POC1A: variants seen among roughly 807,000 people sequenced by gnomAD.
The protein encoded by POC1A is POC1 centriolar protein A.
POC1A carries 34 observed loss-of-function variants against 47.8 expected under a neutral mutation model. The ratio of observed to expected loss-of-function variants is 0.71; its 90% CI spans 0.54 to 0.95. The LOEUF (loss-of-function observed/expected upper bound fraction) is 0.95. Ranked by LOEUF, POC1A falls within the 40% of genes least tolerant of loss-of-function variation. The pLI is 0.00. For synonymous variants in POC1A, 177 were observed against 207.6 expected (o/e 0.85, Z 1.27); for missense variants, 466 against 528.3 (o/e 0.88, Z 1.16).
intron 2 of POC1A, 140 bp from the exon 3 acceptor site, chr3:52,150,127 T>C (rs1698510975): frequency 3.0e-6 from 2 of 674,222 alleles, no homozygotes; most frequent in African/African-American, 1.8e-5. Flanking sequence ...AAGTCTCCCA[T>C]GGAGCAGAGC....
At chr3:52,135,004 T>C (rs141392236) in intron 7 of POC1A, among the ~76,000 whole-genome samples, 13 of 152,264 alleles carry the variant, frequency 8.5e-5, no homozygotes, top group African/African-American at 3.1e-4. Flanking sequence ...ATGTGAAAGA[T>C]GAAGTCACCA....
At position 52,146,959 on chromosome 3, in the gene POC1A, C is replaced by A. The variant is rs900296864; in HGVS notation, c.563+29G>T. On this transcript the variant is annotated intron_variant, in intron 5 of 10. Coordinates refer to ENST00000296484, the MANE Select transcript of POC1A (RefSeq NM_015426.5). ...TCTGTGCTCTGTGCTTGAGCGCCTA[C>A]AGGTGGAGGACAGCATCTGGGGACT... The A allele has an allele frequency of 2.5e-6, 4 of 1,570,376 alleles. No individual in the cohort carries two copies. The African/African-American group carries it at 4.0e-5, about 16-fold the overall frequency.
intron 10 of POC1A, among the ~76,000 whole-genome samples, chr3:52,083,722 A>G (rs930338600): frequency 6.6e-6 from 1 of 152,216 alleles, no homozygotes; most frequent in Non-Finnish European, 1.5e-5. Flanking sequence ...ACTGAGCTCC[A>G]GGTGGAGTCA....
At chr3:52,146,065 G>C in intron 5 of POC1A, 104 bp from the exon 6 acceptor site, 1 of 678,394 alleles carries the variant, frequency 1.5e-6, no homozygotes. Flanking sequence ...TGCCCACGCT[G>C]TTCCCTTGAC....
intron 7 of POC1A, among the ~76,000 whole-genome samples, chr3:52,125,798 G>A (rs1559836806): frequency 6.6e-6 from 1 of 152,208 alleles, no homozygotes; most frequent in African/African-American, 2.4e-5. Flanking sequence ...GGGTAGTGAT[G>A]TGCCCACTCT....
At chr3:52,081,662 G>A (rs1289251399) in intron 10 of POC1A, among the ~76,000 whole-genome samples, 1 of 152,138 alleles carries the variant, frequency 6.6e-6, no homozygotes, top group East Asian at 1.9e-4. Context: ...AGATGGGGTT[G>A]GGCTCTGCAA....
Position 52,102,286 on chromosome 3 carries a change from G to A in POC1A, c.982-5574C>T, listed in dbSNP as rs182033265. 2.8e-3 allele frequency among the ~76,000 whole-genome samples: 425 copies of A among 152,274 alleles called. 2 individuals are homozygous for A. The highest frequency in any genetic ancestry group is 0.02 in the Middle Eastern group (6 of 294). On this transcript the variant is annotated intron_variant, in intron 9 of 10. Transcript: ENST00000296484. The stretch of plus-strand genomic sequence containing the variant: ...GTAACAAATTGTCACATTTGATGGC[G>A]TAAAACAATCTAAATTAATTCTCTC...
chr3:52,115,399 C>T (rs908495171), intron 9 of POC1A, among the ~76,000 whole-genome samples: 7 of 152,136 alleles, frequency 4.6e-5, no homozygotes, highest in South Asian at 2.1e-4. Flanking sequence ...CCTACAACAC[C>T]GCTCTTGCTA....
chr3:52,151,309 T>C (rs1229446685), intron 1 of POC1A: 2 of 572,466 alleles, frequency 3.5e-6, no homozygotes, highest in Non-Finnish European at 5.4e-6. Context: ...ACTGTGGAAA[T>C]GCTTCAACAA....
At chr3:52,142,287 T>C (rs1289879893) in intron 6 of POC1A, among the ~76,000 whole-genome samples, 7 of 152,228 alleles carry the variant, frequency 4.6e-5, no homozygotes, top group Admixed American at 3.9e-4. Context: ...TCAGAGCATA[T>C]GGAGCTAACC....
At chr3:52,124,551 AC>A (rs2107102214) in intron 8 of POC1A, among the ~76,000 whole-genome samples, 1 of 152,334 alleles carries the variant, frequency 6.6e-6, no homozygotes, top group South Asian at 2.1e-4. Flanking sequence ...GCAGCAGATG[AC>A]AGAGCAGAGG....
intron 7 of POC1A, among the ~76,000 whole-genome samples, chr3:52,130,192 CA>C (rs571571321): frequency 6.8e-4 from 104 of 152,340 alleles, no homozygotes; most frequent in Admixed American, 1.1e-3. Context: ...TTCCAGTGAA[CA>C]AATAGGATTG....
rs772363825 is a variant in POC1A, at chr3:52,138,156, C to T, written c.813+13G>A. The T allele has an allele frequency of 4.3e-6, 7 of 1,613,886 alleles. No homozygotes were observed. Among genetic ancestry groups the T allele is most frequent in the East Asian group, 2.2e-5 (1 of 44,900 alleles). On this transcript the variant is annotated intron_variant, in intron 7 of 10. Coordinates refer to ENST00000296484, the MANE Select transcript of POC1A (RefSeq NM_015426.5). ...CACTCCACACCACTCAGCACCTGGC[C>T]GACACCTCTCACCTGATGCCCGTGG...
At chr3:52,103,215 T>C (rs1703058163) in intron 9 of POC1A, among the ~76,000 whole-genome samples, 1 of 152,236 alleles carries the variant, frequency 6.6e-6, no homozygotes, top group East Asian at 1.9e-4. Context: ...AAATGGATCA[T>C]AGACCTAAGT....
chr3:52,141,804 T>C (rs1287639938), intron 6 of POC1A, among the ~76,000 whole-genome samples: 2 of 150,198 alleles, frequency 1.3e-5, no homozygotes, highest in Admixed American at 1.3e-4. Context: ...GCCTGGGAAA[T>C]ACAGTGAGAC....
At chr3:52,144,263 G>T (rs1698294576) in intron 6 of POC1A, among the ~76,000 whole-genome samples, 1 of 152,182 alleles carries the variant, frequency 6.6e-6, no homozygotes, top group Non-Finnish European at 1.5e-5. Flanking sequence ...CCATCCCCAA[G>T]CCCCAGCCCT....
Position 52,079,158 on chromosome 3 carries a change from T to C in POC1A, c.1126-3173A>G, listed in dbSNP as rs1702207536. Among the ~76,000 whole-genome samples, 1 of 152,240 alleles carries C rather than the reference T, an allele frequency of 6.6e-6. No homozygotes were observed. Among genetic ancestry groups the C allele is most frequent in the Admixed American group, 6.5e-5 (1 of 15,292 alleles). On this transcript the variant is annotated intron_variant, in intron 10 of 10. Coordinates refer to ENST00000296484, the MANE Select transcript of POC1A (RefSeq NM_015426.5). The surrounding 1 kb of genome is among the most constrained non-coding windows in gnomAD (Gnocchi z 4.6). ...GTGGCCTTGTTCAGAATGTATATGA[T>C]CTTTACCTGTCGGTTCACAACAAAA...
intron 9 of POC1A, among the ~76,000 whole-genome samples, chr3:52,117,948 G>C (rs148820130): frequency 1.3e-5 from 2 of 152,360 alleles, no homozygotes; most frequent in African/African-American, 4.8e-5. Context: ...CCAAGATACA[G>C]GGGTCTTTAT....
rs554504556 is a variant in POC1A at position 52,079,327 on chromosome 3, A to G, written c.1126-3342T>C. Among the ~76,000 whole-genome samples, 4 of 152,268 alleles carry G rather than the reference A, an allele frequency of 2.6e-5. No homozygotes were observed. The highest frequency in any genetic ancestry group is 5.9e-5 in the Non-Finnish European group (4 of 68,006). On this transcript the variant is annotated intron_variant, in intron 10 of 10. Coordinates refer to ENST00000296484, the MANE Select transcript of POC1A (RefSeq NM_015426.5). The surrounding 1 kb of genome is among the most constrained non-coding windows in gnomAD (Gnocchi z 4.6). The stretch of plus-strand genomic sequence containing the variant: ...CCAAGCAGGCTGCTCTCGTCGCCTC[A>G]TGCTCCGTCCAGCCCGGGAATTATC...
Sources: gnomAD v4.1 joint callset for allele counts (sites outside exome capture counted in the v4.1 genomes callset) on GRCh38, gnomAD v4.1.1 for gene constraint, Gnocchi (gnomAD v3.1) non-coding constraint, MANE v1.5 for transcripts, NCBI Gene and HGNC (gene_info 2026-07-23, HGNC 2026-07-21) for gene names.